Variants in TMEM132B observed in about 807,000 individuals in gnomAD.
TMEM132B encodes the protein transmembrane protein 132B.
A neutral mutation model predicts 90.8 loss-of-function variants in TMEM132B; 18 were observed. The ratio of observed to expected loss-of-function variants is 0.20; its 90% CI spans 0.14 to 0.29. TMEM132B has a LOEUF of 0.29. Ranked by LOEUF, TMEM132B falls within the 10% of genes least tolerant of loss-of-function variation. The pLI is 1.00. For missense variants in TMEM132B, 1,096 were observed against 1,326.8 expected, an observed-to-expected ratio of 0.83 and a Z score of 2.70; for synonymous variants, 504 against 523.3, an observed-to-expected ratio of 0.96 and a Z score of 0.50.
intron 5 of TMEM132B, among the ~76,000 whole-genome samples, chr12:125,613,999 C>G (rs188512504): frequency 6.5e-4 from 98 of 151,814 alleles, no homozygotes; most frequent in African/African-American, 2.2e-3. Flanking sequence ...TGTTATTGGC[C>G]CAACAATATA....
At chr12:125,503,649 C>T (rs1042023346) in intron 3 of TMEM132B, among the ~76,000 whole-genome samples, 6 of 152,178 alleles carry the variant, frequency 3.9e-5, no homozygotes, top group East Asian at 1.9e-4. Context: ...ACTTGAGTCA[C>T]GTACACTAGG....
intron 1 of TMEM132B, among the ~76,000 whole-genome samples, chr12:125,343,975 G>A (rs942019442): frequency 6.6e-6 from 1 of 152,206 alleles, no homozygotes; most frequent in Admixed American, 6.5e-5. Flanking sequence ...TCTCTCAAGC[G>A]TTAAACCAAG....
At chr12:125,223,254 A>G (rs1336630757) in intron 1 of TMEM132B, among the ~76,000 whole-genome samples, 1 of 152,234 alleles carries the variant, frequency 6.6e-6, no homozygotes, top group Non-Finnish European at 1.5e-5. Context: ...TTTAGCAAAA[A>G]TGCACTTTTT....
intron 3 of TMEM132B, among the ~76,000 whole-genome samples, chr12:125,473,744 T>C (rs1459899585): frequency 2.0e-5 from 3 of 152,172 alleles, no homozygotes; most frequent in Non-Finnish European, 4.4e-5. Flanking sequence ...TAGAGGTCTT[T>C]CCAGCTCTCA....
chr12:125,337,681 T>C (rs1566005893), intron 1 of TMEM132B, among the ~76,000 whole-genome samples: 1 of 152,176 alleles, frequency 6.6e-6, no homozygotes, highest in Non-Finnish European at 1.5e-5. Flanking sequence ...TTATCTAGAT[T>C]AAGGGTGTTC....
chr12:125,228,563 G>T (rs564053744), intron 1 of TMEM132B, among the ~76,000 whole-genome samples: 1 of 152,356 alleles, frequency 6.6e-6, no homozygotes, highest in South Asian at 2.1e-4. Flanking sequence ...ATAAAACTCA[G>T]TTGCTTCTGC....
At chr12:125,271,678 T>C (rs1386806415) in intron 1 of TMEM132B, among the ~76,000 whole-genome samples, 1 of 152,142 alleles carries the variant, frequency 6.6e-6, no homozygotes. Context: ...TGTGCACAGG[T>C]AGGAAGAAAG....
At chr12:125,188,913 C>T (rs1957778924) in intron 1 of TMEM132B, among the ~76,000 whole-genome samples, 1 of 146,996 alleles carries the variant, frequency 6.8e-6, no homozygotes, top group Non-Finnish European at 1.5e-5. Context: ...GCTGCCTACA[C>T]TTGGTTTTGA....
chr12:125,242,256 C>T (rs111601933), intron 1 of TMEM132B, among the ~76,000 whole-genome samples: 3,552 of 152,258 alleles, frequency 0.023, 139 homozygotes, highest in African/African-American at 0.08. Flanking sequence ...GCTCAAGAAT[C>T]CTCCTGCCTC....
intron 2 of TMEM132B, among the ~76,000 whole-genome samples, chr12:125,411,740 C>A (rs955246082): frequency 1.3e-5 from 2 of 152,052 alleles, no homozygotes; most frequent in African/African-American, 4.8e-5. Context: ...GTCATGGGGC[C>A]GATCATCCCA....
intron 1 of TMEM132B, among the ~76,000 whole-genome samples, chr12:125,288,441 C>T (rs1365821272): frequency 7.7e-5 from 10 of 129,344 alleles, no homozygotes; most frequent in South Asian, 2.5e-4. Flanking sequence ...CCAGCCTGGG[C>T]GACAGAGCAA....
In TMEM132B at chr12:125,460,818, G is replaced by A. The variant is rs988459133; in HGVS notation, c.1106+45141G>A. Reference sequence around the variant, plus strand: ...GAAAATTCTCACAAAATCAAATCTTGGCCTTTCCTTACAATCTTTTACTTC... The same window carrying A: ...GAAAATTCTCACAAAATCAAATCTTAGCCTTTCCTTACAATCTTTTACTTC... On this transcript the variant is annotated intron_variant, in intron 3 of 8. Transcript: ENST00000682704. The surrounding 1 kb of genome is among the most constrained non-coding windows in gnomAD (Gnocchi z 4.4). Among the ~76,000 whole-genome samples the A allele has an allele frequency of 2.0e-5, 3 of 152,144 alleles. No homozygotes were observed. The highest frequency in any genetic ancestry group is 6.5e-5 in the Admixed American group (1 of 15,276).
intron 4 of TMEM132B, among the ~76,000 whole-genome samples, chr12:125,565,626 G>A (rs1200016992): frequency 1.3e-5 from 2 of 152,200 alleles, no homozygotes; most frequent in African/African-American, 4.8e-5. Flanking sequence ...GGGGGATGGA[G>A]TGGGAAGAAG....
At chr12:125,264,059 C>T (rs1400159409) in intron 1 of TMEM132B, among the ~76,000 whole-genome samples, 1 of 152,244 alleles carries the variant, frequency 6.6e-6, no homozygotes, top group Non-Finnish European at 1.5e-5. Context: ...CAAGGCAGGG[C>T]TGTGTCCTTC....
chr12:125,496,509 G>T (rs1272761401), intron 3 of TMEM132B, among the ~76,000 whole-genome samples: 2 of 152,064 alleles, frequency 1.3e-5, no homozygotes, highest in Non-Finnish European at 2.9e-5. Flanking sequence ...ACATTAGTAT[G>T]CCAGTTTTTG....
intron 2 of TMEM132B, among the ~76,000 whole-genome samples, chr12:125,383,342 A>G (rs889645130): frequency 6.6e-6 from 1 of 152,138 alleles, no homozygotes; most frequent in African/African-American, 2.4e-5. Flanking sequence ...TTTAATTTTG[A>G]TTGATACATA....
chr12:125,322,316 A>G (rs1876450909), intron 1 of TMEM132B, among the ~76,000 whole-genome samples: 2 of 152,206 alleles, frequency 1.3e-5, no homozygotes, highest in South Asian at 2.1e-4. Flanking sequence ...ACCTTCCGCC[A>G]TGATTGTGAG....
At chr12:125,576,403 A>G (rs1355531276) in intron 4 of TMEM132B, among the ~76,000 whole-genome samples, 2 of 151,972 alleles carry the variant, frequency 1.3e-5, no homozygotes, top group African/African-American at 4.8e-5. Context: ...GGATCATGTC[A>G]TCTGCAAATA....
chr12:125,648,191 A>G (rs1029402307), intron 6 of TMEM132B, among the ~76,000 whole-genome samples: 3 of 151,870 alleles, frequency 2.0e-5, no homozygotes, highest in Admixed American at 6.6e-5. Flanking sequence ...ACTGAGAATG[A>G]TGGTTTCCAA....
Sources: gnomAD v4.1 joint callset for allele counts (sites outside exome capture counted in the v4.1 genomes callset) on GRCh38, gnomAD v4.1.1 for gene constraint, Gnocchi (gnomAD v3.1) non-coding constraint, MANE v1.5 for transcripts, NCBI Gene and HGNC (gene_info 2026-07-23, HGNC 2026-07-21) for gene names.